The following CMIP variants were observed in gnomAD, a reference collection of about 807,000 sequenced individuals.
CMIP encodes the protein c-Maf inducing protein.
Under a neutral mutation model 97.3 loss-of-function variants are expected in CMIP, and 13 were observed. The observed-to-expected ratio is 0.13, with a 90% CI of 0.09 to 0.21. CMIP has a LOEUF of 0.21. Ranked by LOEUF, CMIP falls within the 10% of genes least tolerant of loss-of-function variation. The pLI, the probability that CMIP is intolerant of heterozygous loss-of-function variation, is 1.00. For missense variants in CMIP, 847 were observed against 1,024.9 expected, an observed-to-expected ratio of 0.83 and a Z score of 2.37; for synonymous variants, 538 against 436.3, an observed-to-expected ratio of 1.23 and a Z score of -2.91.
At chr16:81,544,135 C>A (rs942983280) in intron 1 of CMIP, among the ~76,000 whole-genome samples, 1 of 152,216 alleles carries the variant, frequency 6.6e-6, no homozygotes, top group African/African-American at 2.4e-5. Context: ...CAGGGGTCCC[C>A]CCGCCCCAAT....
chr16:81,528,999 C>T (rs2090182873), intron 1 of CMIP, among the ~76,000 whole-genome samples: 1 of 152,112 alleles, frequency 6.6e-6, no homozygotes, highest in East Asian at 1.9e-4. Context: ...ATCCCTTTAT[C>T]CCTTCATCCA....
intron 9 of CMIP, 112 bp from the exon 10 acceptor site, chr16:81,678,163 G>C: frequency 1.4e-6 from 1 of 715,206 alleles, no homozygotes; most frequent in East Asian, 2.7e-5. Context: ...AATGATGATA[G>C]TATTACATTT....
intron 7 of CMIP, among the ~76,000 whole-genome samples, chr16:81,667,702 G>C (rs1400637225): frequency 1.4e-5 from 2 of 141,704 alleles, no homozygotes; most frequent in Non-Finnish European, 3.1e-5. Context: ...CCCAAAGCCA[G>C]ATTAAATACT....
chr16:81,620,694 C>A, intron 2 of CMIP, 182 bp from the exon 3 acceptor site: 1 of 611,412 alleles, frequency 1.6e-6, no homozygotes, highest in Non-Finnish European at 2.9e-6. Flanking sequence ...CCTGACCAGC[C>A]CTTCTGTTTT....
At chr16:81,570,243 G>A (rs11640346) in intron 1 of CMIP, among the ~76,000 whole-genome samples, 9 of 151,966 alleles carry the variant, frequency 5.9e-5, no homozygotes, top group Non-Finnish European at 1.3e-4. Context: ...GGGTGGAGAA[G>A]GCGCATCCTC....
chr16:81,605,246 C>A (rs887959763), intron 1 of CMIP, among the ~76,000 whole-genome samples: 2 of 152,192 alleles, frequency 1.3e-5, no homozygotes, highest in African/African-American at 4.8e-5. Context: ...TTGAGGCACG[C>A]TGCATAAAGA....
At chr16:81,557,992 G>A (rs147744420) in intron 1 of CMIP, among the ~76,000 whole-genome samples, 33 of 152,202 alleles carry the variant, frequency 2.2e-4, no homozygotes, top group African/African-American at 7.9e-4. Context: ...TCTATGCTCT[G>A]TCTCTACGAA....
At chr16:81,521,075 A>G (rs976414652) in intron 1 of CMIP, among the ~76,000 whole-genome samples, 1 of 152,232 alleles carries the variant, frequency 6.6e-6, no homozygotes, top group Admixed American at 6.5e-5. Flanking sequence ...TGTGCTTTAT[A>G]CAAGATTTAA....
chr16:81,576,914 C>T (rs954610067), intron 1 of CMIP, among the ~76,000 whole-genome samples: 5 of 152,042 alleles, frequency 3.3e-5, no homozygotes, highest in Non-Finnish European at 5.9e-5. Context: ...CTGCTCTGAT[C>T]ACATCATCAC....
At chr16:81,505,979 G>T (rs1025290963) in intron 1 of CMIP, among the ~76,000 whole-genome samples, 1 of 152,212 alleles carries the variant, frequency 6.6e-6, no homozygotes, top group African/African-American at 2.4e-5. Flanking sequence ...TGGGCGACAA[G>T]AGCAAAACTC....
intron 1 of CMIP, among the ~76,000 whole-genome samples, chr16:81,471,960 T>C (rs1459898261): frequency 2.6e-5 from 4 of 152,194 alleles, no homozygotes; most frequent in Non-Finnish European, 5.9e-5. Flanking sequence ...TGCGGTTGAC[T>C]ATGGGTCACT....
intron 10 of CMIP, among the ~76,000 whole-genome samples, chr16:81,679,290 C>T (rs1020455338): frequency 1.3e-5 from 2 of 151,868 alleles, no homozygotes; most frequent in Non-Finnish European, 2.9e-5. Context: ...AAATGCACAG[C>T]AGTGGGTGTG....
intron 1 of CMIP, among the ~76,000 whole-genome samples, chr16:81,569,586 G>A (rs185599377): frequency 3.3e-5 from 5 of 152,186 alleles, no homozygotes; most frequent in Admixed American, 3.3e-4. Flanking sequence ...AGAGAGAGGC[G>A]GCAGCAACTT....
intron 1 of CMIP, among the ~76,000 whole-genome samples, chr16:81,594,117 C>G: frequency 7.9e-6 from 1 of 126,604 alleles, no homozygotes; most frequent in South Asian, 3.1e-4. Flanking sequence ...TCCCCATTCT[C>G]CCCCCTCCTC....
chr16:81,474,439 G>T (rs367635853), intron 1 of CMIP, among the ~76,000 whole-genome samples: 1 of 151,892 alleles, frequency 6.6e-6, no homozygotes, highest in Admixed American at 6.6e-5. Context: ...CTTACCGGGG[G>T]CCACCAGGTA....
chr16:81,586,481 T>G (rs1443018914), intron 1 of CMIP, among the ~76,000 whole-genome samples: 2 of 152,164 alleles, frequency 1.3e-5, no homozygotes, highest in African/African-American at 4.8e-5. Context: ...TACATTTACC[T>G]AGTGTCTCCC....
chr16:81,604,775 C>G (rs1308974631), intron 1 of CMIP, among the ~76,000 whole-genome samples: 1 of 152,186 alleles, frequency 6.6e-6, no homozygotes. Flanking sequence ...GTTGCAACTT[C>G]AGATCAAAGC....
rs578251145 is a variant in CMIP at position 81,530,670 on chromosome 16, G to C, written c.301-76897G>C. ...CCTCCCACATCTCTCCCTTAGCTGG[G>C]TGCCCGCGTGGCTGCTACCTCCGAG... On this transcript the variant is annotated intron_variant, in intron 1 of 20. Coordinates refer to ENST00000537098, the MANE Select transcript of CMIP (RefSeq NM_198390.3). Among the ~76,000 whole-genome samples, 3 of 152,164 alleles carry C rather than the reference G, an allele frequency of 2.0e-5. No individual in the cohort carries two copies. In the South Asian group the frequency reaches 6.2e-4, roughly 32 times the overall value.
chr16:81,666,655 T>C (rs2151029170), intron 7 of CMIP: 1 of 152,266 alleles, frequency 6.6e-6, no homozygotes, highest in Non-Finnish European at 1.5e-5. Context: ...TGATCCCAGG[T>C]GTCTGGGGAT....
Sources: gnomAD v4.1 joint callset for allele counts (sites outside exome capture counted in the v4.1 genomes callset) on GRCh38, gnomAD v4.1.1 for gene constraint, MANE v1.5 for transcripts, NCBI Gene and HGNC (gene_info 2026-07-23, HGNC 2026-07-21) for gene names.